TULP4: variants seen among roughly 807,000 people sequenced by gnomAD.
TULP4 encodes TUB like protein 4, also known as tubby-related protein 4.
In TULP4, 16 loss-of-function variants were observed where a neutral mutation model predicts 129.0. The observed-to-expected ratio is 0.12, with a 90% CI of 0.08 to 0.19. The LOEUF (loss-of-function observed/expected upper bound fraction) is 0.19, where lower values mean the gene tolerates loss of function less well. TULP4 is among the 10% of genes least tolerant of loss of function. The pLI is 1.00. For missense variants in TULP4, 1,842 were observed against 2,059.1 expected (o/e 0.89, Z 2.04); for synonymous variants, 998 against 854.0 (o/e 1.17, Z -2.94).
At chr6:158,494,648 C>T in intron 10 of TULP4, 105 bp from the exon 11 acceptor site, 1 of 1,042,810 alleles carries the variant, frequency 9.6e-7, no homozygotes, top group Non-Finnish European at 1.4e-6. Context: ...TCTTGCAGTG[C>T]ACACTCGTGG....
At chr6:158,267,002 A>G (rs1778459221) in intron 1 of TULP4, among the ~76,000 whole-genome samples, 1 of 152,042 alleles carries the variant, frequency 6.6e-6, no homozygotes, top group Non-Finnish European at 1.5e-5. Flanking sequence ...CCACCATTCT[A>G]TTTCTGTGTC....
chr6:158,498,887 GT>G, intron 12 of TULP4, 75 bp downstream of exon 12: 4 of 1,563,166 alleles, frequency 2.6e-6, no homozygotes, highest in Non-Finnish European at 3.5e-6. Context: ...AGAGCGGCAA[GT>G]TGTTGAGGAT....
chr6:158,503,039 C>T lies in TULP4; in HGVS notation c.3376C>T (p.Pro1126Ser). ...ACGGCCACCCCCTTACCAGTGGGAC[C>T]CCATGCTGGGTGAGGATGTTTGGGT... ...LKRPPPYQWDPMLGEDVWVPQ... is the reference protein window; with the variant it reads ...LKRPPPYQWDSMLGEDVWVPQ... Residue 1126 changes from proline (P) to serine (S), a missense_variant, in exon 13 of 14, where the codon CCC (proline) becomes TCC (serine). Around this residue, in one of 5 missense-constraint regions of TULP4, gnomAD observed 1,089 missense variants for 987.1 expected, o/e 1.10. Coordinates refer to ENST00000367097, the MANE Select transcript of TULP4 (RefSeq NM_020245.5). This position sits in a 1 kb window ranked among gnomAD's most constrained non-coding sequence, Gnocchi z 4.3. 3.1e-6 allele frequency: 5 copies of T among 1,614,148 alleles called. No homozygotes were observed. Among genetic ancestry groups the T allele is most frequent in the Non-Finnish European group, 4.2e-6 (5 of 1,180,020 alleles).
At chr6:158,389,371 G>A (rs1777534592) in intron 1 of TULP4, among the ~76,000 whole-genome samples, 2 of 152,162 alleles carry the variant, frequency 1.3e-5, no homozygotes, top group Non-Finnish European at 2.9e-5. Flanking sequence ...AGGACTGCTT[G>A]AGCCTGGGAG....
intron 1 of TULP4, among the ~76,000 whole-genome samples, chr6:158,293,688 A>T (rs1399152039): frequency 6.6e-6 from 1 of 152,240 alleles, no homozygotes; most frequent in East Asian, 1.9e-4. Context: ...AGTCAATGGG[A>T]AAATGATTTG....
intron 1 of TULP4, among the ~76,000 whole-genome samples, chr6:158,360,563 T>C (rs1780762594): frequency 6.6e-6 from 1 of 152,172 alleles, no homozygotes; most frequent in African/African-American, 2.4e-5. Flanking sequence ...TATGAAGAAT[T>C]GGGTTCCGTT....
At chr6:158,412,868 G>A (rs2115008798) in intron 1 of TULP4, among the ~76,000 whole-genome samples, 197 bp from the exon 2 acceptor site, 1 of 152,278 alleles carries the variant, frequency 6.6e-6, no homozygotes, top group South Asian at 2.1e-4. Context: ...TTGTTAGGAA[G>A]CCGTGTCAGT....
At chr6:158,459,042 G>A (rs1382608782) in intron 5 of TULP4, among the ~76,000 whole-genome samples, 2 of 152,216 alleles carry the variant, frequency 1.3e-5, no homozygotes, top group African/African-American at 4.8e-5. Context: ...GTTGGAACAA[G>A]AAATGGCATT....
intron 1 of TULP4, among the ~76,000 whole-genome samples, chr6:158,409,964 T>C (rs528670920): frequency 6.9e-4 from 105 of 152,212 alleles, no homozygotes; most frequent in African/African-American, 2.4e-3. Context: ...GATGCCATTC[T>C]CCTGCCTCAG....
At chr6:158,311,445 C>A (rs1490268178), upstream of TULP4, among the ~76,000 whole-genome samples, 1 of 152,108 alleles carries the variant, frequency 6.6e-6, no homozygotes, top group Admixed American at 6.5e-5. Context: ...GGACTTCAGG[C>A]AGTAGGAAGA....
At chr6:158,242,972 A>G (rs1311833380) in intron 1 of TULP4, among the ~76,000 whole-genome samples, 1 of 152,100 alleles carries the variant, frequency 6.6e-6, no homozygotes, top group Non-Finnish European at 1.5e-5. Flanking sequence ...TGTTTTTAGT[A>G]GAGACAGGGT....
chr6:158,331,722 C>CGCGTATATAT (rs1562523116), intron 1 of TULP4, among the ~76,000 whole-genome samples: 1 of 36,578 alleles, frequency 2.7e-5, no homozygotes, highest in Admixed American at 4.1e-4. Flanking sequence ...CACACACACA[C>CGCGTATATAT]ACACACATAC....
At chr6:158,392,156 T>C (rs1201204120) in intron 1 of TULP4, among the ~76,000 whole-genome samples, 1 of 152,186 alleles carries the variant, frequency 6.6e-6, no homozygotes, top group South Asian at 2.1e-4. Context: ...AAGTCATGTC[T>C]TACATGGATG....
chr6:158,249,476 T>C (rs1237658595), intron 1 of TULP4, among the ~76,000 whole-genome samples: 1 of 152,224 alleles, frequency 6.6e-6, no homozygotes, highest in African/African-American at 2.4e-5. Flanking sequence ...TTTACCCAGC[T>C]TTGCCTCTGA....
intron 2 of TULP4, among the ~76,000 whole-genome samples, chr6:158,427,470 C>CTTTTTTTTTTTTTTT (rs1251385882): frequency 2.7e-4 from 27 of 100,688 alleles, no homozygotes; most frequent in Non-Finnish European, 4.5e-4. Flanking sequence ...AATTATCAGA[C>CTTTTTTTTTTTTTTT]CTTTTTTTTT....
intron 5 of TULP4, among the ~76,000 whole-genome samples, chr6:158,460,039 GT>G (rs1227587185): frequency 2.6e-5 from 4 of 152,120 alleles, no homozygotes; most frequent in Non-Finnish European, 4.4e-5. Context: ...ATTGTGGCAG[GT>G]TTTTTTCCAT....
chr6:158,352,390 T>G (rs972708500), intron 1 of TULP4, among the ~76,000 whole-genome samples: 1 of 152,224 alleles, frequency 6.6e-6, no homozygotes, highest in African/African-American at 2.4e-5. Flanking sequence ...TTTGTCATGA[T>G]ATGGACTGAC....
chr6:158,490,913 C>T (rs148631762), intron 9 of TULP4, among the ~76,000 whole-genome samples: 13 of 151,474 alleles, frequency 8.6e-5, no homozygotes, highest in African/African-American at 2.9e-4. Context: ...AATTAGTTTA[C>T]TCTGTTTACC....
At chr6:158,245,477 T>TA (rs1422819645) in intron 1 of TULP4, among the ~76,000 whole-genome samples, 1 of 151,900 alleles carries the variant, frequency 6.6e-6, no homozygotes, top group African/African-American at 2.4e-5. Flanking sequence ...TGAAGGGAGG[T>TA]ATGTCCTCTC....
Sources: allele counts gnomAD v4.1 joint callset (sites outside exome capture counted in the v4.1 genomes callset), GRCh38; gene constraint gnomAD v4.1.1; regional missense constraint gnomAD v4.1.1; non-coding constraint Gnocchi (gnomAD v3.1); transcripts MANE v1.5; gene names NCBI Gene and HGNC (gene_info 2026-07-23, HGNC 2026-07-21).